ADISSP: variants seen among roughly 807,000 people sequenced by gnomAD.
The protein encoded by ADISSP is adipose secreted signaling protein.
chr20:3,759,880 T>C, the ADISSP span: 3 of 790,634 alleles, frequency 3.8e-6, no homozygotes, highest in Middle Eastern at 2.4e-4. The surrounding 1 kb of genome is among the most constrained non-coding windows in gnomAD (Gnocchi z 4.6). Context: ...TCTGCAGGGG[T>C]CCTGCTAGGG....
chr20:3,758,664 C>T, the ADISSP span: 1 of 1,613,980 alleles, frequency 6.2e-7, no homozygotes, highest in Non-Finnish European at 8.5e-7. The surrounding 1 kb of genome is among the most constrained non-coding windows in gnomAD (Gnocchi z 5.5). Context: ...ATACTCCGGA[C>T]TCTGGGCTTG....
At chr20:3,753,633 C>T in the ADISSP span, 3 of 227,354 alleles carry the variant, frequency 1.3e-5, no homozygotes, top group Non-Finnish European at 2.7e-5. Context: ...TGGTGGACAG[C>T]AGTGGGGACT....
chr20:3,757,307 G>A, the ADISSP span, among the ~76,000 whole-genome samples: 17 of 151,862 alleles, frequency 1.1e-4, no homozygotes, highest in East Asian at 1.7e-3. Context: ...CTGAGATGGC[G>A]CCACTGTACT....
the ADISSP span, among the ~76,000 whole-genome samples, chr20:3,761,957 T>C: frequency 2.0e-5 from 3 of 152,204 alleles, no homozygotes; most frequent in African/African-American, 7.2e-5. Flanking sequence ...GACTGACCTG[T>C]TTTTTGTTTT....
the ADISSP span, chr20:3,754,555 C>T: frequency 7.5e-6 from 12 of 1,596,724 alleles, no homozygotes; most frequent in Admixed American, 1.7e-5. Flanking sequence ...CAGCACCTCC[C>T]CCAGCCTCCC....
chr20:3,762,639 G>A, the ADISSP span, among the ~76,000 whole-genome samples: 2 of 152,170 alleles, frequency 1.3e-5, no homozygotes, highest in South Asian at 2.1e-4. Flanking sequence ...GACGTGAGCC[G>A]CCAGGCCTGG....
the ADISSP span, chr20:3,759,999 G>C: frequency 6.2e-7 from 1 of 1,602,608 alleles, no homozygotes; most frequent in Non-Finnish European, 8.5e-7. The surrounding 1 kb of genome is among the most constrained non-coding windows in gnomAD (Gnocchi z 4.6). Context: ...AGGTGGTGCG[G>C]GCCCTACCTG....
At chr20:3,761,583 A>C in the ADISSP span, among the ~76,000 whole-genome samples, 1 of 152,128 alleles carries the variant, frequency 6.6e-6, no homozygotes, top group Non-Finnish European at 1.5e-5. Flanking sequence ...CAATCCGCTC[A>C]CTTCGGCCTC....
chr20:3,754,525 C>T, the ADISSP span: 16 of 1,606,186 alleles, frequency 1.0e-5, no homozygotes, highest in Non-Finnish European at 1.3e-5. Flanking sequence ...ATAACCTGCC[C>T]GGGGACAGGG....
chr20:3,762,215 T>C, the ADISSP span, among the ~76,000 whole-genome samples: 1 of 150,472 alleles, frequency 6.6e-6, no homozygotes, highest in East Asian at 1.9e-4. Flanking sequence ...GAGGTTGCAG[T>C]GAGCCAAGAT....
chr20:3,764,696 G>A, the ADISSP span, among the ~76,000 whole-genome samples: 1 of 152,262 alleles, frequency 6.6e-6, no homozygotes, highest in Non-Finnish European at 1.5e-5. Flanking sequence ...CGCAGCACCA[G>A]ACAGGGAGGA....
the ADISSP span, among the ~76,000 whole-genome samples, chr20:3,755,765 A>C: frequency 3.8e-5 from 1 of 26,446 alleles, no homozygotes; most frequent in East Asian, 1.1e-3. Context: ...ATCGACCCCC[A>C]GCCCAGTGGC....
At chr20:3,763,967 C>T in the ADISSP span, among the ~76,000 whole-genome samples, 1 of 152,204 alleles carries the variant, frequency 6.6e-6, no homozygotes, top group Non-Finnish European at 1.5e-5. Context: ...ACCAGGCCAG[C>T]AACCCCCTCT....
chr20:3,757,216 G>A, the ADISSP span, among the ~76,000 whole-genome samples: 16 of 152,014 alleles, frequency 1.1e-4, no homozygotes, highest in African/African-American at 3.9e-4. Context: ...TGAGAGTGGT[G>A]GCACGCGCCT....
the ADISSP span, chr20:3,754,162 CA>C: frequency 2.5e-6 from 4 of 1,604,072 alleles, no homozygotes; most frequent in Non-Finnish European, 3.4e-6. Flanking sequence ...TGCCGGTCTG[CA>C]AGGCAGGGTG....
At chr20:3,760,185 G>C in the ADISSP span, 1 of 1,183,720 alleles carries the variant, frequency 8.4e-7, no homozygotes, top group Admixed American at 1.7e-5. Flanking sequence ...ACCAGCGGGA[G>C]CCTGAAGGAT....
At chr20:3,755,636 C>T in the ADISSP span, 2 of 1,572,918 alleles carry the variant, frequency 1.3e-6, no homozygotes, top group East Asian at 4.5e-5. Context: ...GGGAGGGAGG[C>T]ACCTTCACTT....
At chr20:3,764,133 GC>G in the ADISSP span, among the ~76,000 whole-genome samples, 2 of 152,074 alleles carry the variant, frequency 1.3e-5, no homozygotes, top group African/African-American at 2.4e-5. Context: ...TGCCGTAACC[GC>G]CCCCCGACTA....
the ADISSP span, among the ~76,000 whole-genome samples, chr20:3,761,039 G>T: frequency 6.6e-6 from 1 of 152,242 alleles, no homozygotes; most frequent in African/African-American, 2.4e-5. Flanking sequence ...ACTGACGGTA[G>T]CAGTGCCCTC....
Sources: gnomAD v4.1 joint callset for allele counts (sites outside exome capture counted in the v4.1 genomes callset) on GRCh38, gnomAD v4.1.1 for gene constraint, Gnocchi (gnomAD v3.1) non-coding constraint, MANE v1.5 for transcripts, NCBI Gene and HGNC (gene_info 2026-07-23, HGNC 2026-07-21) for gene names.